Variants in BCKDHB observed in about 807,000 individuals in gnomAD.
BCKDHB encodes the protein branched chain keto acid dehydrogenase E1 subunit beta.
In BCKDHB, 41 loss-of-function variants were observed where a neutral mutation model predicts 48.5. The observed-to-expected ratio is 0.85, with a 90% confidence interval of 0.66 to 1.10. The LOEUF (loss-of-function observed/expected upper bound fraction) is 1.10, where lower values mean the gene tolerates loss of function less well. BCKDHB is among the 50% of genes least tolerant of loss of function. BCKDHB has a pLI of 0.00. For missense variants in BCKDHB, 496 were observed against 494.2 expected (o/e 1.00, Z -0.03); for synonymous variants, 201 against 174.8 (o/e 1.15, Z -1.18).
At chr6:80,274,703 ACTC>A (rs1173461118) in intron 9 of BCKDHB, among the ~76,000 whole-genome samples, 1 of 151,924 alleles carries the variant, frequency 6.6e-6, no homozygotes, top group African/African-American at 2.4e-5. Flanking sequence ...AGATACTATA[ACTC>A]CTCTTGTGAA....
chr6:80,195,083 AATT>A (rs1774071522), intron 6 of BCKDHB, among the ~76,000 whole-genome samples: 1 of 152,164 alleles, frequency 6.6e-6, no homozygotes, highest in Non-Finnish European at 1.5e-5. Flanking sequence ...GTTGGCACTT[AATT>A]ATTATTTTAT....
chr6:80,409,883 C>T, the BCKDHB span, among the ~76,000 whole-genome samples: 1 of 151,720 alleles, frequency 6.6e-6, no homozygotes, highest in Non-Finnish European at 1.5e-5. Flanking sequence ...ATCCAATTTG[C>T]CAGTCTGTAT....
At chr6:80,461,801 G>C in the BCKDHB span, among the ~76,000 whole-genome samples, 3 of 151,916 alleles carry the variant, frequency 2.0e-5, no homozygotes, top group Non-Finnish European at 4.4e-5. Flanking sequence ...TGTTTGTCTG[G>C]CTTCTAATAC....
chr6:80,341,772 T>C (rs913287609), intron 9 of BCKDHB, among the ~76,000 whole-genome samples: 3 of 152,178 alleles, frequency 2.0e-5, no homozygotes, highest in African/African-American at 7.2e-5. Context: ...AGCTTGTTTA[T>C]GAAGAGTTCA....
At chr6:80,309,070 GT>G (rs1265820899) in intron 9 of BCKDHB, among the ~76,000 whole-genome samples, 26 of 139,998 alleles carry the variant, frequency 1.9e-4, no homozygotes, top group South Asian at 2.3e-4. Flanking sequence ...TTTGTTTTTT[GT>G]TTTTTTTTTT....
intron 8 of BCKDHB, among the ~76,000 whole-genome samples, chr6:80,255,950 T>C (rs1308593183): frequency 6.6e-6 from 1 of 152,198 alleles, no homozygotes; most frequent in Non-Finnish European, 1.5e-5. Context: ...GTGGCCTGAC[T>C]GTACCATTAG....
the BCKDHB span, among the ~76,000 whole-genome samples, chr6:80,366,174 T>A: frequency 6.6e-6 from 1 of 152,226 alleles, no homozygotes; most frequent in South Asian, 2.1e-4. Flanking sequence ...TAGCTGCTAA[T>A]GAAGCAGAAG....
chr6:80,222,077 A>G (rs537090018), intron 8 of BCKDHB, among the ~76,000 whole-genome samples: 1 of 152,282 alleles, frequency 6.6e-6, no homozygotes, highest in South Asian at 2.1e-4. Context: ...AATACTGAAC[A>G]TTGTACCCAG....
At chr6:80,161,460 A>G (rs1221009856) in intron 3 of BCKDHB, among the ~76,000 whole-genome samples, 1 of 152,190 alleles carries the variant, frequency 6.6e-6, no homozygotes, top group Non-Finnish European at 1.5e-5. Context: ...TGTGATTTCT[A>G]AATCCAAAGA....
the BCKDHB span, among the ~76,000 whole-genome samples, chr6:80,393,231 C>T: frequency 8.5e-5 from 13 of 152,202 alleles, no homozygotes; most frequent in South Asian, 2.5e-3. Context: ...CAAATTCTCC[C>T]ACGGAAGATT....
At chr6:80,374,166 C>T in the BCKDHB span, 175 of 717,148 alleles carry the variant, frequency 2.4e-4, no homozygotes, top group African/African-American at 2.6e-3. Context: ...TGGGTTAATC[C>T]GACTATGAGC....
At chr6:80,205,514 GGAAT>G (rs1409170316) in intron 8 of BCKDHB, among the ~76,000 whole-genome samples, 2 of 152,072 alleles carry the variant, frequency 1.3e-5, no homozygotes, top group African/African-American at 4.8e-5. Context: ...GGACACTTGA[GGAAT>G]TCATACTTCT....
chr6:80,372,764 T>C, the BCKDHB span, among the ~76,000 whole-genome samples: 1 of 152,148 alleles, frequency 6.6e-6, no homozygotes, highest in African/African-American at 2.4e-5. Flanking sequence ...TTGACTTGAG[T>C]ATGTTAAACA....
At chr6:80,395,245 G>T in the BCKDHB span, among the ~76,000 whole-genome samples, 17 of 152,172 alleles carry the variant, frequency 1.1e-4, no homozygotes, top group African/African-American at 4.1e-4. Context: ...AAGAAGACAA[G>T]AAAATGTAGG....
At chr6:80,202,100 G>A (rs1333957816) in intron 7 of BCKDHB, among the ~76,000 whole-genome samples, 1 of 152,070 alleles carries the variant, frequency 6.6e-6, no homozygotes, top group Non-Finnish European at 1.5e-5. Context: ...GTCAGCTCAT[G>A]ACCTTACTTC....
intron 1 of BCKDHB, 44 bp downstream of exon 1, chr6:80,106,933 TC>T: frequency 6.4e-7 from 1 of 1,569,094 alleles, no homozygotes; most frequent in Non-Finnish European, 8.6e-7. Flanking sequence ...CAGCCCGGAC[TC>T]CCAGGCTCGC....
intron 9 of BCKDHB, among the ~76,000 whole-genome samples, chr6:80,278,422 T>C (rs1034888883): frequency 2.0e-5 from 3 of 152,208 alleles, no homozygotes; most frequent in African/African-American, 7.2e-5. Context: ...GGGGATATAT[T>C]GTGGATTGGG....
the BCKDHB span, among the ~76,000 whole-genome samples, chr6:80,464,338 A>G: frequency 4.5e-4 from 69 of 152,136 alleles, no homozygotes; most frequent in African/African-American, 1.6e-3. Flanking sequence ...CATATTTGTC[A>G]GGCTGGTGTT....
chr6:80,118,121 A>G lies in BCKDHB; in HGVS notation c.197-9426A>G, dbSNP rs117668198. ...ATCTTCTGAAGCTGGGCACCAATATATACTTGAAGAATATTTATAAAATCG... is the reference window on the plus strand; with the variant it reads ...ATCTTCTGAAGCTGGGCACCAATATGTACTTGAAGAATATTTATAAAATCG... On this transcript the variant is annotated intron_variant, in intron 1 of 9. Transcript: ENST00000320393. Among the ~76,000 whole-genome samples the G allele has an allele frequency of 2.2e-3, 342 of 152,300 alleles. 5 individuals carry two copies. The East Asian group carries it at 0.041, about 18-fold the overall frequency.
Sources: gnomAD v4.1 joint callset for allele counts (sites outside exome capture counted in the v4.1 genomes callset) on GRCh38, gnomAD v4.1.1 for gene constraint, MANE v1.5 for transcripts, NCBI Gene and HGNC (gene_info 2026-07-23, HGNC 2026-07-21) for gene names.